The following SAMD9L variants were observed in gnomAD, a reference collection of about 807,000 sequenced individuals.
SAMD9L encodes sterile alpha motif domain containing 9 like, also known as sterile alpha motif domain-containing protein 9-like.
A neutral mutation model predicts 90.7 loss-of-function variants in SAMD9L; 68 were observed. That is an observed-to-expected ratio of 0.75 (90% CI 0.62 to 0.92). The LOEUF (loss-of-function observed/expected upper bound fraction) is 0.92. SAMD9L is among the 40% of genes least tolerant of loss of function. The pLI is 0.00. For missense variants in SAMD9L, 1,604 were observed against 1,824.3 expected, an observed-to-expected ratio of 0.88 and a Z score of 2.20; for synonymous variants, 640 against 630.1, an observed-to-expected ratio of 1.02 and a Z score of -0.23.
At position 93,133,086 on chromosome 7, in the gene SAMD9L, G is replaced by T. The variant is rs764374618; in HGVS notation, c.2886C>A (p.Asp962Glu). ...STPWEPESLE[D>E]KMGTYSTLLI... ...GAAGTGTAGAATAAGTTCCCATCTT[G>T]TCTTCTAAGCTTTCAGGTTCCCAGG... The change falls in exon 5 of 5, where the codon GAC becomes GAA. Residue 962 changes from aspartate (D) to glutamate (E), a missense_variant. Transcript: ENST00000318238. 6.2e-6 allele frequency: 10 copies of T among 1,612,930 alleles called. No homozygotes were observed. In the African/African-American group the frequency reaches 1.3e-4, roughly 22 times the overall value.
In SAMD9L at chr7:93,135,029, T is replaced by C; in HGVS notation, c.943A>G (p.Ile315Val). The change falls in exon 5 of 5, where the codon ATA (isoleucine) becomes GTA (valine). Residue 315 changes from isoleucine (I) to valine (V), a missense_variant. By Grantham distance (29) the Ile-to-Val change is conservative. Coordinates refer to ENST00000318238, the MANE Select transcript of SAMD9L (RefSeq NM_152703.5). ...IEVDTIPKHS[I>V]CNDKYFYIQM... ...ATGTAGAAATACTTATCATTACATA[T>C]AGAGTGTTTTGGAATAGTATCAACT... The C allele has an allele frequency of 6.2e-7, 1 of 1,611,964 alleles. No homozygotes were observed. Among genetic ancestry groups the C allele is most frequent in the Non-Finnish European group, 8.5e-7 (1 of 1,178,178 alleles).
rs551210098 is a variant in SAMD9L at position 93,145,898 on chromosome 7, CA to C, written c.-637del. 3.6e-4 allele frequency: 55 copies of C among 152,292 alleles called. No individual in the cohort carries two copies. Among genetic ancestry groups the C allele is most frequent in the African/African-American group, 1.3e-3 (55 of 41,554 alleles). The allele number at this position is 152,292 out of a possible 1,614,324, so 9.4% of individuals were successfully genotyped here. A position where few individuals can be genotyped will look rare whatever the true frequency, so the allele number is the denominator to read the frequency against. The stretch of plus-strand genomic sequence containing the variant: ...GGGTGTATCTTCAAAATATACCCAG[CA>C]TTTGACTACCTGACACCACTACCAC... On this transcript the variant is annotated 5_prime_UTR_variant, in exon 3 of 5. It removes an upstream start codon present in the reference 5' UTR. Coordinates refer to ENST00000318238, the MANE Select transcript of SAMD9L (RefSeq NM_152703.5).
At position 93,135,494 on chromosome 7, in the gene SAMD9L, G is replaced by T; in HGVS notation, c.478C>A (p.Gln160Lys). Residue 160 changes from glutamine to lysine, a missense_variant, in exon 5 of 5, where the codon CAA becomes AAA. This residue lies in a region of SAMD9L where 374 missense variants were observed against 363.6 expected (regional missense o/e 1.03). Coordinates refer to ENST00000318238, the MANE Select transcript of SAMD9L (RefSeq NM_152703.5). ...HKKKGKLKPE[Q>K]LTCMPYPFDQ... Reference sequence around the variant, plus strand: ...AAAGGATATGGCATACAAGTCAATTGTTCAGGTTTTAGCTTACCCTTTTTC... The same window carrying T: ...AAAGGATATGGCATACAAGTCAATTTTTCAGGTTTTAGCTTACCCTTTTTC... 6.2e-7 allele frequency: 1 copy of T among 1,614,168 alleles called. No individual in the cohort carries two copies. Among genetic ancestry groups the T allele is most frequent in the Non-Finnish European group, 8.5e-7 (1 of 1,180,010 alleles).
chr7:93,133,716 C>T lies in SAMD9L; in HGVS notation c.2256G>A (p.Met752Ile), dbSNP rs182594567. 130 of 1,613,668 alleles carry T rather than the reference C, an allele frequency of 8.1e-5. No homozygotes were observed. In the East Asian group the frequency reaches 2.9e-3, roughly 36 times the overall value. Residue 752 changes from methionine to isoleucine, a missense_variant, in exon 5 of 5, where the codon ATG becomes ATA. This residue lies in a region of SAMD9L where 606 missense variants were observed against 717.6 expected (regional missense o/e 0.84). Coordinates refer to ENST00000318238, the MANE Select transcript of SAMD9L (RefSeq NM_152703.5). ...TTTTCTTTAAGTCCCAGAGAACATG[C>T]ATAGCCAGTGTGGTACCTCCACAGC... ...HPGCGGTTLA[M>I]HVLWDLKKNF...
Position 93,133,586 on chromosome 7 carries a change from T to A in SAMD9L, c.2386A>T (p.Ile796Phe). 1 of 1,613,844 alleles carries A rather than the reference T, an allele frequency of 6.2e-7. No homozygotes were observed. Among genetic ancestry groups the A allele is most frequent in the South Asian group, 1.1e-5 (1 of 91,070 alleles). Reference protein sequence around the residue: ...TYRAKSHQDYIPVLLLVDDFE... With the variant: ...TYRAKSHQDYFPVLLLVDDFE... The stretch of plus-strand genomic sequence containing the variant: ...TCATCCACAAGGAGAAGCACAGGAA[T>A]GTAATCCTGATGGCTCTTTGCCCTA... The change falls in exon 5 of 5, where the codon ATT becomes TTT. Residue 796 changes from isoleucine (I) to phenylalanine (F), a missense_variant. Around this residue, in one of 7 missense-constraint regions of SAMD9L, gnomAD observed 606 missense variants for 717.6 expected, o/e 0.84. Coordinates refer to ENST00000318238, the MANE Select transcript of SAMD9L (RefSeq NM_152703.5).
intron 4 of SAMD9L, among the ~76,000 whole-genome samples, chr7:93,140,179 A>G (rs1792629504): frequency 6.7e-6 from 1 of 150,038 alleles, no homozygotes; most frequent in Non-Finnish European, 1.5e-5. Context: ...ATGGCCCTCC[A>G]TACCCTGACT....
In SAMD9L at chr7:93,131,779, T is replaced by C. The variant is rs769206388; in HGVS notation, c.4193A>G (p.Lys1398Arg). 2 of 1,613,516 alleles carry C rather than the reference T, an allele frequency of 1.2e-6. No homozygotes were observed. The highest frequency in any genetic ancestry group is 1.7e-6 in the Non-Finnish European group (2 of 1,179,828). Residue 1398 changes from lysine to arginine, a missense_variant, in exon 5 of 5, where the codon AAG becomes AGG. Lys to Arg is a conservative substitution (Grantham distance 26). Coordinates refer to ENST00000318238, the MANE Select transcript of SAMD9L (RefSeq NM_152703.5). ...IILSCLKPNS[K>R]LIQPLTTLKK... ...TAGCGTGGTAAGTGGTTGAATTAACTTGGAGTTGGGCTTTAGACAACTCAG... is the reference window on the plus strand; with the variant it reads ...TAGCGTGGTAAGTGGTTGAATTAACCTGGAGTTGGGCTTTAGACAACTCAG...
At position 93,135,744 on chromosome 7, in the gene SAMD9L, A is replaced by C. The variant is rs778386940; in HGVS notation, c.228T>G (p.Asn76Lys). 6.2e-7 allele frequency: 1 copy of C among 1,613,962 alleles called. No individual in the cohort carries two copies. Among genetic ancestry groups the C allele is most frequent in the East Asian group, 2.2e-5 (1 of 44,866 alleles). The part of the protein sequence containing the change: ...LLIKRSYNKL[N>K]SKSPESDNHD... Reference sequence around the variant, plus strand: ...GATTGTCACTTTCAGGGGACTTACTATTCAATTTGTTGTATGAACGTTTTA... The same window carrying C: ...GATTGTCACTTTCAGGGGACTTACTCTTCAATTTGTTGTATGAACGTTTTA... Residue 76 changes from asparagine (N) to lysine (K), a missense_variant, in exon 5 of 5, where the codon AAT (asparagine) becomes AAG (lysine). Coordinates refer to ENST00000318238, the MANE Select transcript of SAMD9L (RefSeq NM_152703.5).
At position 93,134,018 on chromosome 7, in the gene SAMD9L, C is replaced by T. The variant is rs150143522; in HGVS notation, c.1954G>A (p.Val652Ile). 8.1e-6 allele frequency: 13 copies of T among 1,613,664 alleles called. No homozygotes were observed. Among genetic ancestry groups the T allele is most frequent in the Non-Finnish European group, 1.1e-5 (13 of 1,179,866 alleles). ...SVILEKKKED[V>I]LTALEILCEN... ...CAGAGGATTTCCAGTGCAGTCAAGA[C>T]ATCCTCTTTCTTTTTCTCTAGGATA... Residue 652 changes from valine to isoleucine, a missense_variant, in exon 5 of 5, where the codon GTC (valine) becomes ATC (isoleucine). This residue lies in a region of SAMD9L where 606 missense variants were observed against 717.6 expected (regional missense o/e 0.84). Coordinates refer to ENST00000318238, the MANE Select transcript of SAMD9L (RefSeq NM_152703.5).
rs1260160127 is a variant in SAMD9L, at chr7:93,131,711, G to A, written c.4261C>T (p.His1421Tyr). The A allele has an allele frequency of 6.2e-7, 1 of 1,613,682 alleles. No individual in the cohort carries two copies. The highest frequency in any genetic ancestry group is 1.3e-5 in the African/African-American group (1 of 74,882). ...REVLQFVGLS[H>Y]QYPGPYFLAC... The stretch of plus-strand genomic sequence containing the variant: ...AAGAAATAAGGACCTGGATATTGAT[G>A]ACTTAGTCCTACAAATTGCAAGACC... The change falls in exon 5 of 5, where the codon CAT (histidine) becomes TAT (tyrosine). Residue 1421 changes from histidine to tyrosine, a missense_variant. Transcript: ENST00000318238.
chr7:93,134,747 G>T lies in SAMD9L; in HGVS notation c.1225C>A (p.Leu409Met). ...TACCAGTCATAGTATGAATTATCCA[G>T]TGAGTCTCGGTTTCCTATGAGAAGT... ...VKLLIGNRDS[L>M]DNSYYDWYIL... Residue 409 changes from leucine (L) to methionine (M), a missense_variant, in exon 5 of 5, where the codon CTG (leucine) becomes ATG (methionine). By Grantham distance (15) the Leu-to-Met change is conservative. Around this residue, in one of 7 missense-constraint regions of SAMD9L, gnomAD observed 606 missense variants for 717.6 expected, o/e 0.84. Transcript: ENST00000318238. 6.2e-7 allele frequency: 1 copy of T among 1,613,314 alleles called. No individual in the cohort carries two copies. The highest frequency in any genetic ancestry group is 8.5e-7 in the Non-Finnish European group (1 of 1,179,928).
In SAMD9L at chr7:93,135,959, C is replaced by G. The variant is rs1792435171; in HGVS notation, c.13G>C (p.Val5Leu). 6.4e-7 allele frequency: 1 copy of G among 1,572,750 alleles called. No individual in the cohort carries two copies. Among genetic ancestry groups the G allele is most frequent in the Non-Finnish European group, 8.6e-7 (1 of 1,161,870 alleles). Reference protein sequence around the residue: MSKQVSLPEMIKDWT... With the variant: MSKQLSLPEMIKDWT... ...TCTTTAATCATTTCAGGTAGAGATA[C>G]TTGTTTACTCATATCAAAGCTTCAA... The change falls in exon 5 of 5, where the codon GTA becomes CTA. Residue 5 changes from valine (V) to leucine (L), a missense_variant. Coordinates refer to ENST00000318238, the MANE Select transcript of SAMD9L (RefSeq NM_152703.5).
Position 93,131,097 on chromosome 7 carries a change from A to G in SAMD9L, c.*120T>C. 1 of 635,630 alleles carries G rather than the reference A, an allele frequency of 1.6e-6. No individual in the cohort carries two copies. The highest frequency in any genetic ancestry group is 2.4e-6 in the Non-Finnish European group (1 of 410,828). 39.4% of individuals were successfully genotyped at this position (635,630 alleles called of 1,614,324 possible). On this transcript the variant is annotated 3_prime_UTR_variant, in exon 5 of 5. Coordinates refer to ENST00000318238, the MANE Select transcript of SAMD9L (RefSeq NM_152703.5). Reference sequence around the variant, plus strand: ...GCTTGTAATTCATTCAGGGAGGCAAAAGCAAAATCTGTAATTAGAGGTTAG... The same window carrying G: ...GCTTGTAATTCATTCAGGGAGGCAAGAGCAAAATCTGTAATTAGAGGTTAG...
chr7:93,139,557 A>G (rs1210305975), intron 4 of SAMD9L, among the ~76,000 whole-genome samples: 1 of 152,170 alleles, frequency 6.6e-6, no homozygotes, highest in Non-Finnish European at 1.5e-5. Flanking sequence ...AGAATCACCA[A>G]AGATTGCCAG....
In SAMD9L at chr7:93,145,694, T is replaced by G. The variant is rs1240508743; in HGVS notation, c.-432A>C. 3 of 152,202 alleles carry G rather than the reference T, an allele frequency of 2.0e-5. No homozygotes were observed. The highest frequency in any genetic ancestry group is 4.4e-5 in the Non-Finnish European group (3 of 68,042). 9.4% of individuals were successfully genotyped at this position (152,202 alleles called of 1,614,324 possible). Reference sequence around the variant, plus strand: ...ACAGATTTTCCCCCCAACTTTCTACTATGAAAATGTTTGAACATACAGAAA... The same window carrying G: ...ACAGATTTTCCCCCCAACTTTCTACGATGAAAATGTTTGAACATACAGAAA... On this transcript the variant is annotated 5_prime_UTR_variant, in exon 3 of 5. Transcript: ENST00000318238.
intron 4 of SAMD9L, among the ~76,000 whole-genome samples, chr7:93,137,529 A>G (rs984929231): frequency 6.6e-6 from 1 of 152,072 alleles, no homozygotes; most frequent in African/African-American, 2.4e-5. Flanking sequence ...GAGTTGTATA[A>G]TAATTTCATT....
At position 93,131,473 on chromosome 7, in the gene SAMD9L, G is replaced by T. The variant is rs1415763054; in HGVS notation, c.4499C>A (p.Ala1500Glu). 1 of 1,613,848 alleles carries T rather than the reference G, an allele frequency of 6.2e-7. No homozygotes were observed. Among genetic ancestry groups the T allele is most frequent in the South Asian group, 1.1e-5 (1 of 91,082 alleles). Reference protein sequence around the residue: ...KAKIEQYFDKAQNTNSLWHSG... With the variant: ...KAKIEQYFDKEQNTNSLWHSG... ...GTGCCAGAGGGAATTTGTATTTTGT[G>T]CTTTATCAAAGTACTGCTCTATTTT... Residue 1500 changes from alanine (A) to glutamate (E), a missense_variant, in exon 5 of 5, where the codon GCA becomes GAA. Ala to Glu is a moderately radical substitution (Grantham distance 107, BLOSUM62 -1). Around this residue, in one of 7 missense-constraint regions of SAMD9L, gnomAD observed 282 missense variants for 329.6 expected, o/e 0.86. Transcript: ENST00000318238.
Position 93,135,419 on chromosome 7 carries a change from G to A in SAMD9L, c.553C>T (p.Pro185Ser). 3 of 1,614,128 alleles carry A rather than the reference G, an allele frequency of 1.9e-6. No homozygotes were observed. The highest frequency in any genetic ancestry group is 2.2e-5 in the East Asian group (1 of 44,880). Residue 185 changes from proline to serine, a missense_variant, in exon 5 of 5, where the codon CCT becomes TCT. Physicochemically the swap from Pro to Ser is moderately conservative, Grantham distance 74 (BLOSUM62 -1). This residue lies in a region of SAMD9L where 374 missense variants were observed against 363.6 expected (regional missense o/e 1.03). Coordinates refer to ENST00000318238, the MANE Select transcript of SAMD9L (RefSeq NM_152703.5). The stretch of plus-strand genomic sequence containing the variant: ...ATGAGATTGAGTGCTCCTGTTTCAG[G>A]TTGTAGAGTATAATGTTCTATGTAG... Reference protein sequence around the residue: ...HRYIEHYTLQPETGALNLIDP... With the variant: ...HRYIEHYTLQSETGALNLIDP...
rs1246242230 is a variant in SAMD9L, at chr7:93,134,485, A to G, written c.1487T>C (p.Ile496Thr). The change falls in exon 5 of 5, where the codon ATT (isoleucine) becomes ACT (threonine). Residue 496 changes from isoleucine (I) to threonine (T), a missense_variant. This residue lies in a region of SAMD9L where 606 missense variants were observed against 717.6 expected (regional missense o/e 0.84). Transcript: ENST00000318238. ...CAGGTCTGATCTGCCGTTGCAGAAA[A>G]TCCAGCTGGGCTGTTGGTAAAGATT... Reference protein sequence around the residue: ...TLNLYQQPSWIFCNGRSDLKS... With the variant: ...TLNLYQQPSWTFCNGRSDLKS... The G allele has an allele frequency of 1.2e-6, 2 of 1,613,996 alleles. No individual in the cohort carries two copies. Among genetic ancestry groups the G allele is most frequent in the Admixed American group, 3.3e-5 (2 of 60,000 alleles).
Sources: gnomAD v4.1 joint callset for allele counts (sites outside exome capture counted in the v4.1 genomes callset) on GRCh38, gnomAD v4.1.1 for gene constraint, gnomAD v4.1.1 regional missense constraint, MANE v1.5 for transcripts, NCBI Gene and HGNC (gene_info 2026-07-23, HGNC 2026-07-21) for gene names.